Variants in GRM1 observed in about 807,000 individuals in gnomAD.
GRM1 encodes glutamate metabotropic receptor 1.
A neutral mutation model predicts 90.9 loss-of-function variants in GRM1; 33 were observed. The ratio of observed to expected loss-of-function variants is 0.36; its 90% confidence interval spans 0.28 to 0.49. The LOEUF (loss-of-function observed/expected upper bound fraction) is 0.49. GRM1 is among the 20% of genes least tolerant of loss of function. GRM1 has a pLI of 0.99. For synonymous variants in GRM1, 700 were observed against 613.2 expected (o/e 1.14, Z -2.09); for missense variants, 1,190 against 1,534.3 (o/e 0.78, Z 3.75).
chr6:146,280,763 CACTA>C (rs1390801904), intron 2 of GRM1, among the ~76,000 whole-genome samples: 2 of 151,040 alleles, frequency 1.3e-5, no homozygotes, highest in Non-Finnish European at 2.9e-5. Context: ...GGACTAATGA[CACTA>C]ACACCACCTA....
rs187584490 is a variant in GRM1 at position 146,396,028 on chromosome 6, G to A, written c.1730-2741G>A. On this transcript the variant is annotated intron_variant, in intron 6 of 7. Coordinates refer to ENST00000282753, the MANE Select transcript of GRM1 (RefSeq NM_001278064.2). The stretch of plus-strand genomic sequence containing the variant: ...TTTCATCATAAATTAGTTCCCATAT[G>A]GCCAATGTTATTTTAAATATCTATT... 7.2e-3 allele frequency among the ~76,000 whole-genome samples: 1,095 copies of A among 151,556 alleles called. 2 individuals carry two copies. The highest frequency in any genetic ancestry group is 0.012 in the Non-Finnish European group (838 of 67,848).
chr6:146,208,742 T>A (rs1328942731), intron 2 of GRM1, among the ~76,000 whole-genome samples: 1 of 152,160 alleles, frequency 6.6e-6, no homozygotes, highest in East Asian at 1.9e-4. Flanking sequence ...AGAAGAAAGA[T>A]AAATTACTGG....
chr6:146,054,619 T>G (rs1775414022), intron 1 of GRM1, among the ~76,000 whole-genome samples: 1 of 152,106 alleles, frequency 6.6e-6, no homozygotes, highest in South Asian at 2.1e-4. Flanking sequence ...GACATTCATT[T>G]CTCACATTTA....
chr6:146,188,117 A>G (rs921483034), intron 2 of GRM1, among the ~76,000 whole-genome samples: 1 of 152,162 alleles, frequency 6.6e-6, no homozygotes, highest in Non-Finnish European at 1.5e-5. Context: ...ACCATACATT[A>G]TAGAATTAAT....
chr6:146,186,733 A>C (rs192139802), intron 2 of GRM1, among the ~76,000 whole-genome samples: 1 of 152,326 alleles, frequency 6.6e-6, no homozygotes, highest in Admixed American at 6.5e-5. Flanking sequence ...TGTCTACATC[A>C]ATCAAAATGT....
At chr6:146,408,522 G>T (rs759271892) in intron 7 of GRM1, among the ~76,000 whole-genome samples, 2 of 152,130 alleles carry the variant, frequency 1.3e-5, no homozygotes, top group Admixed American at 6.5e-5. Context: ...ATAATTGTTA[G>T]CCCGTGACAT....
At chr6:146,236,545 C>T (rs1337441778) in intron 2 of GRM1, among the ~76,000 whole-genome samples, 1 of 152,144 alleles carries the variant, frequency 6.6e-6, no homozygotes, top group Non-Finnish European at 1.5e-5. Flanking sequence ...CTTAGGCAAT[C>T]ACTTTGTCTG....
At chr6:146,307,117 A>G (rs544932305) in intron 3 of GRM1, among the ~76,000 whole-genome samples, 76 of 152,318 alleles carry the variant, frequency 5.0e-4, no homozygotes, top group African/African-American at 1.8e-3. Context: ...TTGGGTTTTT[A>G]ATTGTGACAG....
intron 2 of GRM1, among the ~76,000 whole-genome samples, chr6:146,240,193 AG>A (rs1376352556): frequency 1.3e-5 from 2 of 152,038 alleles, no homozygotes; most frequent in African/African-American, 4.8e-5. Context: ...CAAACACTTC[AG>A]GGCCATGTAG....
intron 5 of GRM1, among the ~76,000 whole-genome samples, chr6:146,360,949 G>A (rs148091425): frequency 6.6e-6 from 1 of 152,166 alleles, no homozygotes; most frequent in Non-Finnish European, 1.5e-5. Flanking sequence ...GGCCTCAAGA[G>A]GTCACTGGAT....
chr6:146,323,869 T>C (rs897659023), intron 3 of GRM1, among the ~76,000 whole-genome samples: 4 of 152,182 alleles, frequency 2.6e-5, no homozygotes, highest in Admixed American at 2.6e-4. Context: ...CATTGCTTGT[T>C]TTTCTCAGGT....
chr6:146,222,257 G>A (rs1166827204), intron 2 of GRM1, among the ~76,000 whole-genome samples: 1 of 152,118 alleles, frequency 6.6e-6, no homozygotes, highest in Non-Finnish European at 1.5e-5. Context: ...GAGAATTAAT[G>A]TTTTCTAAAA....
chr6:146,370,829 C>T (rs769312160), intron 5 of GRM1, among the ~76,000 whole-genome samples: 3 of 152,006 alleles, frequency 2.0e-5, no homozygotes, highest in Non-Finnish European at 4.4e-5. Flanking sequence ...TAACTGCACC[C>T]TGTGGAGTAA....
At chr6:146,233,656 C>T (rs1780523683) in intron 2 of GRM1, among the ~76,000 whole-genome samples, 1 of 151,998 alleles carries the variant, frequency 6.6e-6, no homozygotes. Flanking sequence ...ACTCATAATC[C>T]AAATACATAC....
At chr6:146,111,934 A>G (rs1391969787) in intron 1 of GRM1, among the ~76,000 whole-genome samples, 2 of 152,182 alleles carry the variant, frequency 1.3e-5, no homozygotes, top group Non-Finnish European at 2.9e-5. Flanking sequence ...TATTATTAAA[A>G]CTACATCATT....
At chr6:146,196,496 G>A (rs1294420385) in intron 2 of GRM1, among the ~76,000 whole-genome samples, 10 of 139,574 alleles carry the variant, frequency 7.2e-5, no homozygotes, top group African/African-American at 1.9e-4. Context: ...TAGTAGAGAC[G>A]GGGTTTCACC....
intron 4 of GRM1, among the ~76,000 whole-genome samples, chr6:146,356,306 C>CAG (rs1785580352): frequency 1.3e-5 from 2 of 152,174 alleles, no homozygotes; most frequent in South Asian, 4.1e-4. Context: ...GTCTTGCGCA[C>CAG]AGTCCTGGAG....
chr6:146,414,407 T>TTATTATTA (rs1562682696), intron 7 of GRM1, among the ~76,000 whole-genome samples: 4 of 66,424 alleles, frequency 6.0e-5, no homozygotes, highest in Admixed American at 1.3e-4. Flanking sequence ...TATTATTATT[T>TTATTATTA]TTGTTGTTGT....
At chr6:146,231,168 A>T (rs1464106140) in intron 2 of GRM1, among the ~76,000 whole-genome samples, 2 of 152,160 alleles carry the variant, frequency 1.3e-5, no homozygotes. Flanking sequence ...TTTGGTGATT[A>T]TGATGTGTCA....
Sources: allele counts gnomAD v4.1 joint callset (sites outside exome capture counted in the v4.1 genomes callset), GRCh38; gene constraint gnomAD v4.1.1; transcripts MANE v1.5; gene names NCBI Gene and HGNC (gene_info 2026-07-23, HGNC 2026-07-21).